Variants in IPO8 observed in about 807,000 individuals in gnomAD.
IPO8 encodes the protein importin-8.
A neutral mutation model predicts 141.2 loss-of-function variants in IPO8; 65 were observed. The ratio of observed to expected loss-of-function variants is 0.46; its 90% CI spans 0.38 to 0.57. The LOEUF is 0.57. IPO8 is among the 20% of genes least tolerant of loss of function. The pLI, the probability that IPO8 is intolerant of heterozygous loss-of-function variation, is 0.00. For synonymous variants in IPO8, 411 were observed against 420.3 expected (o/e 0.98, Z 0.27); for missense variants, 980 against 1,246.8 (o/e 0.79, Z 3.22).
intron 20 of IPO8, 103 bp downstream of exon 20, chr12:30,649,034 G>T: frequency 1.3e-6 from 1 of 762,244 alleles, no homozygotes; most frequent in Non-Finnish European, 2.2e-6. Flanking sequence ...ACAATCTATA[G>T]GCTGTCCTTT....
chr12:30,677,052 T>C, intron 5 of IPO8: 5 of 1,523,658 alleles, frequency 3.3e-6, no homozygotes, highest in Non-Finnish European at 4.4e-6. Flanking sequence ...TCACCTCTGC[T>C]GTACTGTGAG....
intron 12 of IPO8, 49 bp downstream of exon 12, chr12:30,665,680 C>T (rs761296740): frequency 5.1e-6 from 6 of 1,175,468 alleles, no homozygotes; most frequent in South Asian, 1.3e-5. Flanking sequence ...CTCTCATTTG[C>T]CTGTACTTTA....
chr12:30,636,369 G>A lies in IPO8; in HGVS notation c.2695+613C>T, dbSNP rs137958801. ...GCTACTTCCTAGTCTCTAGCAAGTA[G>A]CTCCGCAATCTCATCATTAAACAAA... On this transcript the variant is annotated intron_variant, in intron 22 of 24. Transcript: ENST00000256079. Among the ~76,000 whole-genome samples, 66 of 152,102 alleles carry A rather than the reference G, an allele frequency of 4.3e-4. 1 individual carries two copies. Among genetic ancestry groups the A allele is most frequent in the African/African-American group, 1.6e-3 (65 of 41,508 alleles).
intron 2 of IPO8, among the ~76,000 whole-genome samples, chr12:30,689,988 T>TAAAA (rs1681472193): frequency 6.6e-6 from 1 of 152,204 alleles, no homozygotes. Flanking sequence ...AAAAGAACGA[T>TAAAA]GTACAACATC....
chr12:30,658,102 A>C (rs1264670206), intron 16 of IPO8, among the ~76,000 whole-genome samples: 1 of 152,204 alleles, frequency 6.6e-6, no homozygotes, highest in Non-Finnish European at 1.5e-5. Context: ...TTCAACCATC[A>C]AGTATATTCT....
rs2052552226 is a variant in IPO8 at position 30,639,752 on chromosome 12, A to T, written c.2269-17T>A. ...TGGAATGCACTAGAAGACAAGCAAA[A>T]GAAAGTCAACCACACAGACAGCCCA... On this transcript the variant is annotated splice_polypyrimidine_tract_variant and intron_variant, in intron 20 of 24. Transcript: ENST00000256079. 2 of 1,599,402 alleles carry T rather than the reference A, an allele frequency of 1.3e-6. No homozygotes were observed. The highest frequency in any genetic ancestry group is 4.5e-5 in the East Asian group (2 of 44,774).
At position 30,666,168 on chromosome 12, in the gene IPO8, G is replaced by GA. The variant is rs751213440; in HGVS notation, c.1221+6dup. 1 of 1,554,008 alleles carries GA rather than the reference G, an allele frequency of 6.4e-7. No individual in the cohort carries two copies. The highest frequency in any genetic ancestry group is 1.2e-5 in the South Asian group (1 of 81,410). ...CAGTTTTGGATTTAAAAAGAAAAAT[G>GA]AAATACCTCTTTTCTTTTCTTTGCA... On this transcript the variant is annotated splice_region_variant and intron_variant, in intron 11 of 24. Transcript: ENST00000256079.
intron 17 of IPO8, among the ~76,000 whole-genome samples, chr12:30,653,380 T>C (rs1353049324): frequency 1.3e-5 from 2 of 152,052 alleles, no homozygotes; most frequent in African/African-American, 4.8e-5. Context: ...ATAATCTATA[T>C]TTATAAAACT....
chr12:30,684,219 A>C, intron 3 of IPO8, 82 bp downstream of exon 3: 1 of 1,244,070 alleles, frequency 8.0e-7, no homozygotes, highest in Non-Finnish European at 1.1e-6. Flanking sequence ...ACATGAGGCC[A>C]AGGATTAGAT....
chr12:30,649,573 T>C (rs1591827249), intron 19 of IPO8, among the ~76,000 whole-genome samples: 1 of 152,182 alleles, frequency 6.6e-6, no homozygotes, highest in East Asian at 1.9e-4. Context: ...AATGAAACTA[T>C]TTTTCTGTTC....
intron 22 of IPO8, among the ~76,000 whole-genome samples, chr12:30,636,245 A>G (rs979706719): frequency 6.6e-6 from 1 of 152,140 alleles, no homozygotes; most frequent in African/African-American, 2.4e-5. Context: ...CATCAAAAAT[A>G]GAGCTGTATG....
In IPO8 at chr12:30,671,069, T is replaced by C. The variant is rs746015660; in HGVS notation, c.937A>G (p.Arg313Gly). The change falls in exon 9 of 25, where the codon AGA becomes GGA. Residue 313 changes from arginine (R) to glycine (G), a missense_variant. Around this residue, in one of 3 missense-constraint regions of IPO8, gnomAD observed 924 missense variants for 1,153.9 expected, o/e 0.80. Transcript: ENST00000256079. ...CGGGGAGCTACATATTCTTTCTGTC[T>C]ATATTGATCTAAAATTTTTAGTAGC... ...QVLLKILDQY[R>G]QKEYVAPRVL... The C allele has an allele frequency of 6.2e-7, 1 of 1,602,026 alleles. No homozygotes were observed. The highest frequency in any genetic ancestry group is 8.6e-7 in the Non-Finnish European group (1 of 1,169,246).
intron 17 of IPO8, among the ~76,000 whole-genome samples, 157 bp downstream of exon 17, chr12:30,656,527 T>C (rs1217059622): frequency 9.2e-5 from 14 of 152,194 alleles, no homozygotes. Flanking sequence ...AAAATACAGA[T>C]ATTTAACACT....
chr12:30,641,066 G>A (rs1203792596), intron 20 of IPO8, among the ~76,000 whole-genome samples: 1 of 152,158 alleles, frequency 6.6e-6, no homozygotes, highest in East Asian at 1.9e-4. Context: ...GAATTGTGAA[G>A]TTTTAGAACT....
intron 22 of IPO8, among the ~76,000 whole-genome samples, chr12:30,635,492 G>A (rs772361759): frequency 3.9e-5 from 6 of 152,044 alleles, no homozygotes; most frequent in East Asian, 1.9e-4. Context: ...GCTACATGTC[G>A]CTTGAAAAGT....
Position 30,662,374 on chromosome 12 carries a change from A to G in IPO8, c.1708T>C (p.Tyr570His), listed in dbSNP as rs564780875. ...TNVIQKMICEYSQEVASIAVD... is the reference protein window; with the variant it reads ...TNVIQKMICEHSQEVASIAVD... ...GCAATTGAGGCTACCTCTTGACTGT[A>G]TTCACATATCATCTTCTGGATGACA... The change falls in exon 15 of 25, where the codon TAC becomes CAC. Residue 570 changes from tyrosine (Y) to histidine (H), a missense_variant. Physicochemically the swap from Tyr to His is moderately conservative, Grantham distance 83 (BLOSUM62 2). Around this residue, in one of 3 missense-constraint regions of IPO8, gnomAD observed 924 missense variants for 1,153.9 expected, o/e 0.80. Coordinates refer to ENST00000256079, the MANE Select transcript of IPO8 (RefSeq NM_006390.4). 25 of 1,613,900 alleles carry G rather than the reference A, an allele frequency of 1.5e-5. No individual in the cohort carries two copies. The South Asian group carries it at 2.6e-4, about 17-fold the overall frequency.
chr12:30,664,485 C>A (rs140290987), intron 13 of IPO8, among the ~76,000 whole-genome samples: 1 of 152,228 alleles, frequency 6.6e-6, no homozygotes, highest in East Asian at 1.9e-4. Flanking sequence ...AAAGAATATA[C>A]ACATAGAGCA....
intron 13 of IPO8, among the ~76,000 whole-genome samples, chr12:30,665,009 G>C (rs1448071180): frequency 6.6e-6 from 1 of 152,144 alleles, no homozygotes. Flanking sequence ...CAAAGTGCTG[G>C]GATTACAGGC....
At position 30,637,202 on chromosome 12, in the gene IPO8, GA is replaced by G. The variant is rs545861188; in HGVS notation, c.2490-16del. The G allele has an allele frequency of 4.8e-4, 698 of 1,460,232 alleles. No homozygotes were observed. The highest frequency in any genetic ancestry group is 7.3e-4 in the Middle Eastern group (4 of 5,482). The allele number at this position is 1,460,232 out of a possible 1,614,324, so 90.5% of individuals were successfully genotyped here. On this transcript the variant is annotated splice_polypyrimidine_tract_variant and intron_variant, in intron 21 of 24. Transcript: ENST00000256079. ...GGTCATGATGCCTGCAAATTTTGAA[GA>G]AAAAAAAAATGTAGACATGAGAAGT...
Sources: gnomAD v4.1 joint callset for allele counts (sites outside exome capture counted in the v4.1 genomes callset) on GRCh38, gnomAD v4.1.1 for gene constraint, gnomAD v4.1.1 regional missense constraint, MANE v1.5 for transcripts, NCBI Gene and HGNC (gene_info 2026-07-23, HGNC 2026-07-21) for gene names.